RAI1: variants seen among roughly 807,000 people sequenced by gnomAD.
RAI1 encodes the protein retinoic acid induced 1.
A neutral mutation model predicts 123.8 loss-of-function variants in RAI1; 9 were observed. That is an observed-to-expected ratio of 0.07 (90% CI 0.04 to 0.13). The LOEUF (loss-of-function observed/expected upper bound fraction) is 0.13, where lower values mean the gene tolerates loss of function less well. Among genes scored for constraint, RAI1 ranks in the 10% least tolerant of loss-of-function variants. RAI1 has a pLI of 1.00. For missense variants in RAI1, 2,256 were observed against 2,545.8 expected, an observed-to-expected ratio of 0.89 and a Z score of 2.45; for synonymous variants, 1,231 against 1,127.3, an observed-to-expected ratio of 1.09 and a Z score of -1.84.
At chr17:17,748,952 C>G (rs1014869469) in intron 2 of RAI1, among the ~76,000 whole-genome samples, 2 of 152,198 alleles carry the variant, frequency 1.3e-5, no homozygotes, top group African/African-American at 4.8e-5. Context: ...AGGCACACCT[C>G]AAAGAACTGC....
chr17:17,689,238 G>A (rs1339480193), intron 1 of RAI1, among the ~76,000 whole-genome samples: 2 of 152,188 alleles, frequency 1.3e-5, no homozygotes, highest in East Asian at 1.9e-4. Context: ...GATTATAGGC[G>A]TGAGGTGAGC....
chr17:17,755,064 C>T (rs558235435), intron 2 of RAI1, among the ~76,000 whole-genome samples: 17 of 152,276 alleles, frequency 1.1e-4, no homozygotes, highest in Middle Eastern at 3.4e-3. Flanking sequence ...CACCATGCCT[C>T]CCCCTGAAGG....
At chr17:17,729,375 G>A (rs1205417054) in intron 2 of RAI1, among the ~76,000 whole-genome samples, 7 of 152,306 alleles carry the variant, frequency 4.6e-5, no homozygotes, top group Admixed American at 1.3e-4. Flanking sequence ...GTTCACAAGC[G>A]TGGCAGATCT....
intron 2 of RAI1, among the ~76,000 whole-genome samples, chr17:17,771,304 C>T (rs1361592011): frequency 6.6e-6 from 1 of 152,246 alleles, no homozygotes; most frequent in African/African-American, 2.4e-5. Context: ...TTCACTCATT[C>T]ATTCAGCAAA....
chr17:17,808,414 A>ATTTTATTTTAT (rs1266596226), intron 4 of RAI1, among the ~76,000 whole-genome samples: 36 of 125,892 alleles, frequency 2.9e-4, no homozygotes, highest in African/African-American at 1.1e-3. Context: ...ATTTTATTTT[A>ATTTTATTTTAT]TTATTTTATT....
intron 4 of RAI1, among the ~76,000 whole-genome samples, chr17:17,806,202 G>T (rs1488290467): frequency 2.0e-5 from 3 of 152,228 alleles, no homozygotes; most frequent in Non-Finnish European, 4.4e-5. Context: ...CTTCCAGGAG[G>T]AGGTGACATT....
chr17:17,727,944 C>T (rs1489705183), intron 2 of RAI1, among the ~76,000 whole-genome samples: 1 of 152,100 alleles, frequency 6.6e-6, no homozygotes, highest in Non-Finnish European at 1.5e-5. Context: ...GCCCCCTCCC[C>T]TGCAGCACAC....
intron 2 of RAI1, among the ~76,000 whole-genome samples, chr17:17,739,345 C>A (rs1916539654): frequency 6.6e-6 from 1 of 152,142 alleles, no homozygotes; most frequent in East Asian, 1.9e-4. Context: ...ACAAGCCAGC[C>A]CCCAGGAGCT....
intron 1 of RAI1, among the ~76,000 whole-genome samples, chr17:17,687,674 C>G (rs1401365043): frequency 1.3e-5 from 2 of 152,306 alleles, no homozygotes. Flanking sequence ...GGGCAAGTCA[C>G]TTTCCCTCTG....
At chr17:17,761,422 CA>C (rs1329642375) in intron 2 of RAI1, among the ~76,000 whole-genome samples, 1 of 152,280 alleles carries the variant, frequency 6.6e-6, no homozygotes, top group African/African-American at 2.4e-5. Context: ...GTGCCAGGCA[CA>C]GGGGCACCAT....
intron 2 of RAI1, among the ~76,000 whole-genome samples, chr17:17,746,704 C>T (rs148154953): frequency 7.2e-5 from 10 of 139,322 alleles, no homozygotes; most frequent in East Asian, 4.2e-4. Flanking sequence ...GGTGCTATCT[C>T]GGCTCACCAC....
At chr17:17,703,726 G>C (rs543941795) in intron 1 of RAI1, among the ~76,000 whole-genome samples, 1 of 152,132 alleles carries the variant, frequency 6.6e-6, no homozygotes, top group Non-Finnish European at 1.5e-5. Context: ...CTGTAGCCTC[G>C]ATCTCCTGAG....
chr17:17,796,640 C>G lies in RAI1; in HGVS notation c.3692C>G (p.Pro1231Arg), dbSNP rs763945694. The G allele has an allele frequency of 8.1e-6, 13 of 1,611,952 alleles. No individual in the cohort carries two copies. The highest frequency in any genetic ancestry group is 2.2e-5 in the East Asian group (1 of 44,838). ...AAAAGGAAGTCGGCCTTCATGGCGC[C>G]GGTCCCCACCAAGAAGCGGAACCTG... Reference protein sequence around the residue: ...ALKRKSAFMAPVPTKKRNLVL... With the variant: ...ALKRKSAFMARVPTKKRNLVL... The change falls in exon 3 of 6, where the codon CCG becomes CGG. Residue 1231 changes from proline (P) to arginine (R), a missense_variant. Pro to Arg is a moderately radical substitution (Grantham distance 103). This residue lies in a region of RAI1 where 322 missense variants were observed against 358.0 expected (regional missense o/e 0.90). Coordinates refer to ENST00000353383, the MANE Select transcript of RAI1 (RefSeq NM_030665.4). The surrounding 1 kb of genome is among the most constrained non-coding windows in gnomAD (Gnocchi z 5.8).
chr17:17,729,882 G>A (rs1230890473), intron 2 of RAI1, among the ~76,000 whole-genome samples: 1 of 152,204 alleles, frequency 6.6e-6, no homozygotes, highest in African/African-American at 2.4e-5. Context: ...CCCACCTGAG[G>A]CTATGTTAGC....
chr17:17,687,755 C>T (rs979401248), intron 1 of RAI1, among the ~76,000 whole-genome samples: 3 of 152,096 alleles, frequency 2.0e-5, no homozygotes, highest in Non-Finnish European at 2.9e-5. Context: ...TGAGCTGGGG[C>T]GCCGTGGCTC....
At chr17:17,715,375 C>A (rs895609025) in intron 1 of RAI1, among the ~76,000 whole-genome samples, 2 of 152,216 alleles carry the variant, frequency 1.3e-5, no homozygotes, top group African/African-American at 4.8e-5. Context: ...TGCAGAGCCT[C>A]AGTGTCTGCA....
intron 2 of RAI1, among the ~76,000 whole-genome samples, chr17:17,726,055 C>G (rs1286042863): frequency 1.3e-5 from 2 of 152,154 alleles, no homozygotes; most frequent in Admixed American, 6.5e-5. Flanking sequence ...CCCTTCAAAG[C>G]CCAACAGGAC....
chr17:17,696,205 G>A (rs1248186654), intron 1 of RAI1, among the ~76,000 whole-genome samples: 1 of 152,190 alleles, frequency 6.6e-6, no homozygotes, highest in Non-Finnish European at 1.5e-5. Flanking sequence ...GTAGATGTAT[G>A]ATAAACCACT....
chr17:17,720,666 TGA>T (rs1915851474), intron 1 of RAI1, among the ~76,000 whole-genome samples: 1 of 152,192 alleles, frequency 6.6e-6, no homozygotes, highest in African/African-American at 2.4e-5. Flanking sequence ...ATCTTGAAAT[TGA>T]GAGTCGGATG....
Sources: allele counts gnomAD v4.1 joint callset (sites outside exome capture counted in the v4.1 genomes callset), GRCh38; gene constraint gnomAD v4.1.1; regional missense constraint gnomAD v4.1.1; non-coding constraint Gnocchi (gnomAD v3.1); transcripts MANE v1.5; gene names NCBI Gene and HGNC (gene_info 2026-07-23, HGNC 2026-07-21).